VSTM4: variants seen among roughly 807,000 people sequenced by gnomAD.
The protein encoded by VSTM4 is V-set and transmembrane domain-containing protein 4.
In VSTM4, 20 loss-of-function variants were observed where a neutral mutation model predicts 36.4. That is an observed-to-expected ratio of 0.55 (90% CI 0.39 to 0.80). The LOEUF is 0.80. Ranked by LOEUF, VSTM4 falls within the 30% of genes least tolerant of loss-of-function variation. The pLI, the probability that VSTM4 is intolerant of heterozygous loss-of-function variation, is 0.00. For synonymous variants in VSTM4, 182 were observed against 173.9 expected (o/e 1.05, Z -0.37); for missense variants, 392 against 404.5 (o/e 0.97, Z 0.26).
At chr10:49,036,159 C>T (rs1176753964) in intron 7 of VSTM4, among the ~76,000 whole-genome samples, 1 of 152,176 alleles carries the variant, frequency 6.6e-6, no homozygotes, top group African/African-American at 2.4e-5. Flanking sequence ...TCTCTCTAGA[C>T]TGGAGGAAGC....
intron 7 of VSTM4, among the ~76,000 whole-genome samples, chr10:49,021,564 G>A (rs1843182432): frequency 6.6e-6 from 1 of 152,146 alleles, no homozygotes; most frequent in African/African-American, 2.4e-5. Flanking sequence ...GACAGGACCA[G>A]CAGTTCATGG....
intron 7 of VSTM4, among the ~76,000 whole-genome samples, chr10:49,020,542 TGAAG>T (rs1843165733): frequency 6.6e-6 from 1 of 151,842 alleles, no homozygotes; most frequent in Non-Finnish European, 1.5e-5. Flanking sequence ...ATAAACAAAA[TGAAG>T]GAAGTTTAAA....
chr10:49,063,494 C>T (rs149324664), intron 5 of VSTM4, among the ~76,000 whole-genome samples: 137 of 152,194 alleles, frequency 9.0e-4, no homozygotes, highest in African/African-American at 3.2e-3. Flanking sequence ...GTCAGAAGGT[C>T]CCAGGTCCTA....
chr10:49,057,452 G>A (rs1382758585), intron 5 of VSTM4, among the ~76,000 whole-genome samples: 4 of 152,222 alleles, frequency 2.6e-5, no homozygotes, highest in African/African-American at 4.8e-5. Flanking sequence ...GTCTGTGCCT[G>A]CTGTGGAGGA....
At chr10:49,025,068 G>A (rs1381706683) in intron 7 of VSTM4, among the ~76,000 whole-genome samples, 1 of 151,976 alleles carries the variant, frequency 6.6e-6, no homozygotes, top group Non-Finnish European at 1.5e-5. Context: ...GAAGACACAA[G>A]GAGAAGGCGG....
chr10:49,090,436 A>G (rs1208373241), intron 2 of VSTM4, among the ~76,000 whole-genome samples: 3 of 152,168 alleles, frequency 2.0e-5, no homozygotes, highest in Non-Finnish European at 2.9e-5. Flanking sequence ...TCCCCCAAAG[A>G]GGAAAGCAAG....
Position 49,107,728 on chromosome 10 carries a change from G to T in VSTM4, c.323C>A (p.Ala108Glu), listed in dbSNP as rs150226837. ...TGTCAAGACGGAGAGCCTGTAGAGC[G>T]CCCCCCGCTGCTCCTCCAGCAGGCG... ...RLRLLEEQRG[A>E]LYRLSVLTLQ... The change falls in exon 2 of 8, where the codon GCG becomes GAG. Residue 108 changes from alanine to glutamate, a missense_variant. Coordinates refer to ENST00000332853, the MANE Select transcript of VSTM4 (RefSeq NM_001031746.5). 6.2e-7 allele frequency: 1 copy of T among 1,614,120 alleles called. No homozygotes were observed. Among genetic ancestry groups the T allele is most frequent in the Non-Finnish European group, 8.5e-7 (1 of 1,180,034 alleles).
At chr10:49,059,841 G>T (rs960339469) in intron 5 of VSTM4, among the ~76,000 whole-genome samples, 1 of 152,066 alleles carries the variant, frequency 6.6e-6, no homozygotes, top group African/African-American at 2.4e-5. Flanking sequence ...ACCCCCAAAG[G>T]TTCCATCTTG....
At chr10:49,076,564 G>A (rs1844181889) in intron 4 of VSTM4, among the ~76,000 whole-genome samples, 1 of 152,220 alleles carries the variant, frequency 6.6e-6, no homozygotes, top group African/African-American at 2.4e-5. Flanking sequence ...ACCTCCAACA[G>A]GAGCTGCTGG....
chr10:49,027,112 ACTGCAC>A (rs1468841994), intron 7 of VSTM4, among the ~76,000 whole-genome samples: 1 of 151,972 alleles, frequency 6.6e-6, no homozygotes, highest in African/African-American at 2.4e-5. Flanking sequence ...TCCTGCACTC[ACTGCAC>A]CTGTGATTTC....
At chr10:49,045,794 C>T (rs117871433) in intron 7 of VSTM4, among the ~76,000 whole-genome samples, 2,593 of 152,232 alleles carry the variant, frequency 0.017, 28 homozygotes, top group Middle Eastern at 0.034. Flanking sequence ...TCATGTGCCC[C>T]GATACCATGC....
chr10:49,027,397 C>T (rs1221625810), intron 7 of VSTM4, among the ~76,000 whole-genome samples: 1 of 152,218 alleles, frequency 6.6e-6, no homozygotes, highest in Non-Finnish European at 1.5e-5. Context: ...TACAGTTCCA[C>T]TCATGCCTCC....
At chr10:49,103,781 G>C in intron 2 of VSTM4, 1 of 1,614,066 alleles carries the variant, frequency 6.2e-7, no homozygotes, top group Non-Finnish European at 8.5e-7. Flanking sequence ...TTAAGTCTGC[G>C]GTGAAGGGCA....
intron 5 of VSTM4, among the ~76,000 whole-genome samples, chr10:49,057,187 C>T (rs1410473443): frequency 6.6e-6 from 1 of 152,048 alleles, no homozygotes; most frequent in Non-Finnish European, 1.5e-5. Context: ...TACATTTCCA[C>T]ATCAGATTTG....
chr10:49,096,622 C>CGTGTGTGTGTGTGT (rs57143308), intron 2 of VSTM4, among the ~76,000 whole-genome samples: 1,350 of 122,536 alleles, frequency 0.011, 61 homozygotes, highest in African/African-American at 0.042. Context: ...CATTGAAGAC[C>CGTGTGTGTGTGTGT]GTGTGTGTGT....
intron 2 of VSTM4, chr10:49,103,654 G>T (rs1844709588): frequency 6.5e-7 from 1 of 1,545,372 alleles, no homozygotes; most frequent in Non-Finnish European, 8.7e-7. Flanking sequence ...GCTGGGCGAG[G>T]TGTTCATGAC....
intron 2 of VSTM4, among the ~76,000 whole-genome samples, chr10:49,089,520 C>A (rs17175928): frequency 0.096 from 14,618 of 152,216 alleles, 939 homozygotes; most frequent in East Asian, 0.21. Context: ...GGATAGAAAG[C>A]AACAAGCTCT....
At chr10:49,041,355 T>A (rs1376147919) in intron 7 of VSTM4, among the ~76,000 whole-genome samples, 1 of 152,208 alleles carries the variant, frequency 6.6e-6, no homozygotes, top group African/African-American at 2.4e-5. Context: ...GTATTTTAAA[T>A]GATCAAGGGA....
In VSTM4 at chr10:49,018,462, A is replaced by C. The variant is rs1843133659; in HGVS notation, c.*1188T>G. On this transcript the variant is annotated 3_prime_UTR_variant, in exon 8 of 8. Coordinates refer to ENST00000332853, the MANE Select transcript of VSTM4 (RefSeq NM_001031746.5). ...ACCCCAGCTGTGTTTAAAATAGATA[A>C]TTTATCATATATACATGGTCCACTA... The C allele has an allele frequency of 1.3e-5, 2 of 152,174 alleles. No individual in the cohort carries two copies. Among genetic ancestry groups the C allele is most frequent in the Non-Finnish European group, 2.9e-5 (2 of 68,032 alleles). 9.4% of individuals were successfully genotyped at this position (152,174 alleles called of 1,614,324 possible).
Sources: gnomAD v4.1 joint callset for allele counts (sites outside exome capture counted in the v4.1 genomes callset) on GRCh38, gnomAD v4.1.1 for gene constraint, MANE v1.5 for transcripts, NCBI Gene and HGNC (gene_info 2026-07-23, HGNC 2026-07-21) for gene names.